The following EIF3H variants were observed in gnomAD, a reference collection of about 807,000 sequenced individuals.
EIF3H encodes eukaryotic translation initiation factor 3 subunit H.
EIF3H carries 26 observed loss-of-function variants against 44.2 expected under a neutral mutation model. The ratio of observed to expected loss-of-function variants is 0.59; its 90% CI spans 0.43 to 0.82. The LOEUF (loss-of-function observed/expected upper bound fraction) is 0.82, where lower values mean the gene tolerates loss of function less well. EIF3H is among the 40% of genes least tolerant of loss of function. EIF3H has a pLI of 0.00. For synonymous variants in EIF3H, 166 were observed against 151.9 expected, an observed-to-expected ratio of 1.09 and a Z score of -0.68; for missense variants, 359 against 432.8, an observed-to-expected ratio of 0.83 and a Z score of 1.51.
At chr8:116,743,332 A>G (rs1322224580) in intron 1 of EIF3H, among the ~76,000 whole-genome samples, 3 of 152,164 alleles carry the variant, frequency 2.0e-5, no homozygotes, top group Non-Finnish European at 4.4e-5. Flanking sequence ...ACACACCTAT[A>G]GTCCCAGCTA....
intron 2 of EIF3H, among the ~76,000 whole-genome samples, chr8:116,677,184 C>T (rs1465972597): frequency 2.0e-5 from 3 of 152,118 alleles, no homozygotes; most frequent in Non-Finnish European, 4.4e-5. Context: ...GCTAATTTTA[C>T]TTACGTCTTT....
chr8:116,661,061 C>T (rs892750919), intron 2 of EIF3H, among the ~76,000 whole-genome samples: 2 of 152,194 alleles, frequency 1.3e-5, no homozygotes, highest in African/African-American at 2.4e-5. Flanking sequence ...AACAGATTCA[C>T]ATCAACCACA....
At chr8:116,674,500 T>G (rs558951290) in intron 2 of EIF3H, among the ~76,000 whole-genome samples, 13 of 152,244 alleles carry the variant, frequency 8.5e-5, no homozygotes, top group Non-Finnish European at 1.8e-4. Flanking sequence ...ACACAATTGT[T>G]AAATAGAAAG....
chr8:116,734,657 G>GT (rs1815003889), intron 1 of EIF3H, among the ~76,000 whole-genome samples: 1 of 152,182 alleles, frequency 6.6e-6, no homozygotes, highest in South Asian at 2.1e-4. Flanking sequence ...CCAGGTTCAA[G>GT]TGATTCTCCT....
At chr8:116,676,641 C>G (rs979222231) in intron 2 of EIF3H, among the ~76,000 whole-genome samples, 1 of 152,306 alleles carries the variant, frequency 6.6e-6, no homozygotes. Context: ...CTAACCATAT[C>G]AGACCACAAG....
At chr8:116,649,794 G>A (rs1813359873) in intron 5 of EIF3H, among the ~76,000 whole-genome samples, 1 of 152,206 alleles carries the variant, frequency 6.6e-6, no homozygotes, top group Admixed American at 6.5e-5. Context: ...AGGGATGGAG[G>A]AGAAAGAGAA....
chr8:116,710,643 T>C (rs1359453270), intron 2 of EIF3H, among the ~76,000 whole-genome samples: 1 of 152,214 alleles, frequency 6.6e-6, no homozygotes, highest in East Asian at 1.9e-4. Context: ...ATACAATATG[T>C]CTACAAGTCA....
intron 1 of EIF3H, among the ~76,000 whole-genome samples, chr8:116,747,655 A>G (rs1815261089): frequency 1.3e-5 from 2 of 152,326 alleles, no homozygotes; most frequent in Middle Eastern, 3.4e-3. Context: ...AAACTGTATT[A>G]TACTTCAGAC....
intron 1 of EIF3H, among the ~76,000 whole-genome samples, chr8:116,729,060 A>G (rs1226170588): frequency 1.3e-5 from 2 of 152,234 alleles, no homozygotes; most frequent in Non-Finnish European, 2.9e-5. Flanking sequence ...GATAAACTAA[A>G]CTGATAAAGA....
chr8:116,717,303 T>C (rs1321762996), intron 2 of EIF3H, among the ~76,000 whole-genome samples: 1 of 152,098 alleles, frequency 6.6e-6, no homozygotes, highest in East Asian at 1.9e-4. Context: ...AGAATCAATA[T>C]TGTGAAAATG....
chr8:116,753,758 C>G (rs1009188040), intron 1 of EIF3H, among the ~76,000 whole-genome samples: 1 of 152,180 alleles, frequency 6.6e-6, no homozygotes, highest in African/African-American at 2.4e-5. Context: ...GTGCTTTTAC[C>G]ACTGCCCTGT....
intron 1 of EIF3H, among the ~76,000 whole-genome samples, chr8:116,732,026 C>T (rs917905535): frequency 6.6e-6 from 1 of 152,182 alleles, no homozygotes; most frequent in East Asian, 1.9e-4. Flanking sequence ...GAAGTTTACA[C>T]AGTCTCAAGT....
At chr8:116,663,354 T>C (rs1004992131) in intron 2 of EIF3H, among the ~76,000 whole-genome samples, 2 of 152,176 alleles carry the variant, frequency 1.3e-5, no homozygotes, top group Non-Finnish European at 2.9e-5. Context: ...GCAGAGTTGG[T>C]CCAGGGTTAG....
intron 1 of EIF3H, among the ~76,000 whole-genome samples, chr8:116,754,820 A>G (rs553166392): frequency 6.6e-6 from 1 of 152,264 alleles, no homozygotes; most frequent in African/African-American, 2.4e-5. Flanking sequence ...ACTTAAAAAT[A>G]CCTGCTTGCA....
At chr8:116,760,610 G>C (rs1815509001), upstream of EIF3H, among the ~76,000 whole-genome samples, 1 of 152,022 alleles carries the variant, frequency 6.6e-6, no homozygotes, top group Admixed American at 6.5e-5. Flanking sequence ...TAATCTTGCA[G>C]TAAAAAAAAA....
intron 2 of EIF3H, among the ~76,000 whole-genome samples, chr8:116,708,536 T>C (rs1814510699): frequency 6.6e-6 from 1 of 152,062 alleles, no homozygotes; most frequent in Admixed American, 6.5e-5. Flanking sequence ...ATTAGGCTAA[T>C]TAAAATTTAA....
chr8:116,667,910 G>C (rs1460268064), intron 2 of EIF3H, among the ~76,000 whole-genome samples: 1 of 152,132 alleles, frequency 6.6e-6, no homozygotes, highest in Non-Finnish European at 1.5e-5. Context: ...CCAAACACAT[G>C]ATGATGGCAA....
intron 2 of EIF3H, among the ~76,000 whole-genome samples, chr8:116,713,033 A>ACAGTT (rs896151669): frequency 3.9e-5 from 6 of 152,162 alleles, no homozygotes; most frequent in Admixed American, 2.6e-4. Context: ...TAGTACTAAA[A>ACAGTT]CAGTTCATTT....
At chr8:116,727,950 C>T (rs1814879035) in intron 1 of EIF3H, among the ~76,000 whole-genome samples, 1 of 152,284 alleles carries the variant, frequency 6.6e-6, no homozygotes, top group East Asian at 1.9e-4. Context: ...TAACAGCTTA[C>T]TAACATGTGA....
Sources: gnomAD v4.1 joint callset for allele counts (sites outside exome capture counted in the v4.1 genomes callset) on GRCh38, gnomAD v4.1.1 for gene constraint, MANE v1.5 for transcripts, NCBI Gene and HGNC (gene_info 2026-07-23, HGNC 2026-07-21) for gene names.